The following COCH variants were observed in gnomAD, a reference collection of about 807,000 sequenced individuals.
COCH encodes cochlin, also known as coagulation factor C homolog, cochlin (Limulus polyphemus).
Under a neutral mutation model 54.8 loss-of-function variants are expected in COCH, and 40 were observed. That is an observed-to-expected ratio of 0.73 (90% CI 0.57 to 0.95). The LOEUF is 0.95. Ranked by LOEUF, COCH falls within the 40% of genes least tolerant of loss-of-function variation. The pLI, the probability that COCH is intolerant of heterozygous loss-of-function variation, is 0.00. For synonymous variants in COCH, 256 were observed against 237.9 expected, an observed-to-expected ratio of 1.08 and a Z score of -0.70; for missense variants, 605 against 675.0, an observed-to-expected ratio of 0.90 and a Z score of 1.15.
At chr14:30,889,592 C>T (rs575811426) in intron 11 of COCH, 24 bp from the exon 12 acceptor site, 1 of 1,606,636 alleles carries the variant, frequency 6.2e-7, no homozygotes, top group Admixed American at 1.7e-5. Flanking sequence ...ATTTTCAATT[C>T]ACTTTAAAAT....
At position 30,877,686 on chromosome 14, in the gene COCH, T is replaced by C. The variant is rs121908927; in HGVS notation, c.197T>C (p.Val66Ala). The change falls in exon 4 of 12, where the codon GTA (valine) becomes GCA (alanine). Residue 66 changes from valine (V) to alanine (A), a missense_variant. Coordinates refer to ENST00000396618, the MANE Select transcript of COCH (RefSeq NM_004086.3). The surrounding 1 kb of genome is among the most constrained non-coding windows in gnomAD (Gnocchi z 8.6). ...LEEFSVYGNI[V>A]YASVSSICGA... ...GAATTCTCTGTGTATGGGAACATAG[T>C]ATATGCTTCTGTATCGAGCATATGT... 19 of 1,614,244 alleles carry C rather than the reference T, an allele frequency of 1.2e-5. No homozygotes were observed. The highest frequency in any genetic ancestry group is 4.5e-5 in the East Asian group (2 of 44,888).
At chr14:30,888,932 T>C (rs2138893372) in intron 11 of COCH, among the ~76,000 whole-genome samples, 1 of 152,272 alleles carries the variant, frequency 6.6e-6, no homozygotes, top group East Asian at 1.9e-4. Flanking sequence ...AATACCTCAA[T>C]GAAACTGGAA....
rs761547940 is a variant in COCH, at chr14:30,874,980, C to T, written c.34+8C>T. ...TCCCGGCTCTCGGCCTCGGTGGGTG[C>T]GCGCCCCTCACGACCCCGGCCCCTT... On this transcript the variant is annotated splice_region_variant and intron_variant, in intron 2 of 11. Transcript: ENST00000396618. 1 of 1,613,162 alleles carries T rather than the reference C, an allele frequency of 6.2e-7. No individual in the cohort carries two copies. Among genetic ancestry groups the T allele is most frequent in the Non-Finnish European group, 8.5e-7 (1 of 1,179,844 alleles).
At chr14:30,895,611 AG>A (rs780828764), downstream of COCH, 66 of 1,610,244 alleles carry the variant, frequency 4.1e-5, no homozygotes, top group Non-Finnish European at 5.4e-5. Context: ...TTTGTTACTG[AG>A]TAACAATCTT....
downstream of COCH, among the ~76,000 whole-genome samples, chr14:30,893,124 A>G (rs972707822): frequency 2.1e-5 from 3 of 144,480 alleles, no homozygotes; most frequent in African/African-American, 7.6e-5. Context: ...GGCAAAAACC[A>G]CAATTACAAA....
chr14:30,890,353 G>T lies in COCH; in HGVS notation c.*562G>T. On this transcript the variant is annotated 3_prime_UTR_variant, in exon 12 of 12. Transcript: ENST00000396618. ...CTGTATCAAACTGCTTTTGTAGTGT[G>T]TTTTCATAACAACTTATGACTAAAA... is the stretch of plus-strand genomic sequence containing the variant. 1 of 985,466 alleles carries T rather than the reference G, an allele frequency of 1.0e-6. No individual in the cohort carries two copies. Among genetic ancestry groups the T allele is most frequent in the Non-Finnish European group, 1.2e-6 (1 of 829,984 alleles). The allele number at this position is 985,466 out of a possible 1,614,324, so 61.0% of individuals were successfully genotyped here.
rs771685804 is a variant in COCH, at chr14:30,880,697, G to A, written c.592G>A (p.Gly198Arg). ...VGKVALMLGI[G>R]TEGPHVGLVQ... ...AAAAGTGGCTCTAATGTTGGGAATTGGAACAGAAGGACCACATGTGGGCCT... is the reference window on the plus strand; with the variant it reads ...AAAAGTGGCTCTAATGTTGGGAATTAGAACAGAAGGACCACATGTGGGCCT... The change falls in exon 8 of 12, where the codon GGA becomes AGA. Residue 198 changes from glycine (G) to arginine (R), a missense_variant. Transcript: ENST00000396618. 1 of 1,613,806 alleles carries A rather than the reference G, an allele frequency of 6.2e-7. No homozygotes were observed. Among genetic ancestry groups the A allele is most frequent in the Non-Finnish European group, 8.5e-7 (1 of 1,179,848 alleles).
intron 11 of COCH, among the ~76,000 whole-genome samples, chr14:30,887,425 T>C (rs1483209931): frequency 4.0e-5 from 6 of 151,858 alleles, no homozygotes; most frequent in African/African-American, 1.2e-4. Flanking sequence ...AAAAAACTTT[T>C]TCCCCCCCGC....
intron 3 of COCH, chr14:30,876,682 G>C (rs1312185646): frequency 6.6e-6 from 1 of 152,180 alleles, no homozygotes; most frequent in African/African-American, 2.4e-5. Flanking sequence ...ATGAAGGAAA[G>C]GATGGCTTTG....
At chr14:30,879,602 CA>C in intron 6 of COCH, 117 bp downstream of exon 6, 1 of 995,608 alleles carries the variant, frequency 1.0e-6, no homozygotes, top group Non-Finnish European at 1.6e-6. Flanking sequence ...AGAAACAAAG[CA>C]AATACCTTAA....
In COCH at chr14:30,885,761, C is replaced by T. The variant is rs28362776; in HGVS notation, c.961-35C>T. 0.012 allele frequency: 19,374 copies of T among 1,611,804 alleles called. 786 individuals carry two copies. Among genetic ancestry groups the T allele is most frequent in the African/African-American group, 0.093 (6,938 of 74,932 alleles). On this transcript the variant is annotated intron_variant, in intron 10 of 11. Coordinates refer to ENST00000396618, the MANE Select transcript of COCH (RefSeq NM_004086.3). Reference sequence around the variant, plus strand: ...TTTTTAAGAAGAAACAACTTTTGATCCTTTTGGATATCTTTTATGTGTCTC... The same window carrying T: ...TTTTTAAGAAGAAACAACTTTTGATTCTTTTGGATATCTTTTATGTGTCTC...
At chr14:30,884,471 A>G in intron 8 of COCH, 82 bp from the exon 9 acceptor site, 4 of 929,752 alleles carry the variant, frequency 4.3e-6, no homozygotes, top group Non-Finnish European at 5.2e-6. Context: ...GTCTGGTTTT[A>G]AAACTGTTTT....
At position 30,890,504 on chromosome 14, in the gene COCH, A is replaced by G. The variant is rs894125269; in HGVS notation, c.*713A>G. The G allele has an allele frequency of 1.3e-5, 12 of 917,566 alleles. No individual in the cohort carries two copies. Among genetic ancestry groups the G allele is most frequent in the Middle Eastern group, 5.5e-4 (1 of 1,818 alleles). 56.8% of individuals were successfully genotyped at this position (917,566 alleles called of 1,614,324 possible). The stretch of plus-strand genomic sequence containing the variant: ...CTAAGTACTTAAAAGTTAAGTTGGT[A>G]AAGTATTTACTGACTGCTTATAAAC... On this transcript the variant is annotated 3_prime_UTR_variant, in exon 12 of 12. Coordinates refer to ENST00000396618, the MANE Select transcript of COCH (RefSeq NM_004086.3).
In COCH at chr14:30,877,769, T is replaced by G; in HGVS notation, c.239+41T>G. 1.9e-6 allele frequency: 3 copies of G among 1,613,218 alleles called. No individual in the cohort carries two copies. Among genetic ancestry groups the G allele is most frequent in the Non-Finnish European group, 2.5e-6 (3 of 1,179,926 alleles). ...CCAGGGTGGGAGAGAAATGCAGACG[T>G]GATTATTTCCTTTCCTGCTTTACCC... On this transcript the variant is annotated intron_variant, in intron 4 of 11. Transcript: ENST00000396618. This position sits in a 1 kb window ranked among gnomAD's most constrained non-coding sequence, Gnocchi z 8.6.
At chr14:30,880,901 CT>C (rs1257589008) in intron 8 of COCH, among the ~76,000 whole-genome samples, 167 bp downstream of exon 8, 1 of 152,142 alleles carries the variant, frequency 6.6e-6, no homozygotes, top group Non-Finnish European at 1.5e-5. Context: ...TTGATCATTT[CT>C]TTGTGTTGGA....
At chr14:30,879,341 T>C (rs1037454925) in intron 5 of COCH, 82 bp from the exon 6 acceptor site, 3 of 1,374,152 alleles carry the variant, frequency 2.2e-6, no homozygotes, top group Non-Finnish European at 2.0e-6. Flanking sequence ...ACATTTGTCA[T>C]TGTAGAGAGC....
rs1299982617 is a variant in COCH, at chr14:30,885,921, T to C, written c.1086T>C (p.Cys362=). The change falls in exon 11 of 12, where the codon TGT becomes TGC. Residue 362 remains cysteine, a synonymous_variant. Coordinates refer to ENST00000396618, the MANE Select transcript of COCH (RefSeq NM_004086.3). ...AACAAATGATGTGCAGCAAGACCTG[T>C]TATAACTCAGTGAACATTGCCTTTC... The part of the protein sequence containing the change: ...THEQMMCSKT[C]YNSVNIAFLI... 3 of 1,614,056 alleles carry C rather than the reference T, an allele frequency of 1.9e-6. No homozygotes were observed. Among genetic ancestry groups the C allele is most frequent in the Admixed American group, 1.7e-5 (1 of 59,990 alleles).
Position 30,890,508 on chromosome 14 carries a change from T to C in COCH, c.*717T>C. On this transcript the variant is annotated 3_prime_UTR_variant, in exon 12 of 12. Transcript: ENST00000396618. ...GTACTTAAAAGTTAAGTTGGTAAAG[T>C]ATTTACTGACTGCTTATAAACATTT... 1 of 924,890 alleles carries C rather than the reference T, an allele frequency of 1.1e-6. No individual in the cohort carries two copies. The highest frequency in any genetic ancestry group is 1.3e-6 in the Non-Finnish European group (1 of 775,680). 57.3% of individuals were successfully genotyped at this position (924,890 alleles called of 1,614,324 possible).
At chr14:30,875,281 TCACCTGTTTCTCC>T (rs1895316106) in intron 3 of COCH, 178 bp downstream of exon 3, 18 of 878,988 alleles carry the variant, frequency 2.0e-5, no homozygotes, top group South Asian at 5.1e-5. Flanking sequence ...CTGCTCCTGC[TCACCTGTTTCTCC>T]CATGGTAGGG....
Sources: gnomAD v4.1 joint callset for allele counts (sites outside exome capture counted in the v4.1 genomes callset) on GRCh38, gnomAD v4.1.1 for gene constraint, Gnocchi (gnomAD v3.1) non-coding constraint, MANE v1.5 for transcripts, NCBI Gene and HGNC (gene_info 2026-07-23, HGNC 2026-07-21) for gene names.